Variants in SPG11 observed in about 807,000 individuals in gnomAD.
SPG11 encodes the protein SPG11 vesicle trafficking associated, spatacsin, also known as spatacsin.
Under a neutral mutation model 274.0 loss-of-function variants are expected in SPG11, and 222 were observed. That is an observed-to-expected ratio of 0.81 (90% CI 0.73 to 0.91). The LOEUF (loss-of-function observed/expected upper bound fraction) is 0.91, where lower values mean the gene tolerates loss of function less well. Ranked by LOEUF, SPG11 falls within the 40% of genes least tolerant of loss-of-function variation. The pLI is 0.00. For synonymous variants in SPG11, 1,144 were observed against 1,039.7 expected (o/e 1.10, Z -1.93); for missense variants, 3,114 against 2,872.7 (o/e 1.08, Z -1.92).
chr15:44,614,108 G>C (rs1337161254), intron 16 of SPG11, among the ~76,000 whole-genome samples: 1 of 152,208 alleles, frequency 6.6e-6, no homozygotes, highest in Admixed American at 6.5e-5. Context: ...TTATGGCTCA[G>C]AATACATACT....
At position 44,584,127 on chromosome 15, in the gene SPG11, T is replaced by G; in HGVS notation, c.5553A>C (p.Thr1851=). The change falls in exon 30 of 40, where the codon ACA becomes ACC. Residue 1851 remains threonine, a synonymous_variant. Coordinates refer to ENST00000261866, the MANE Select transcript of SPG11 (RefSeq NM_025137.4). ...GGCTGTTAAGTTCTAAGTATTTTGATGTGTTCAGAGCAGCCAACTTGGAGA... is the reference window on the plus strand; with the variant it reads ...GGCTGTTAAGTTCTAAGTATTTTGAGGTGTTCAGAGCAGCCAACTTGGAGA... ...FSFSKLAALN[T]SKYLELNSLP... 1 of 1,614,238 alleles carries G rather than the reference T, an allele frequency of 6.2e-7. No individual in the cohort carries two copies. The highest frequency in any genetic ancestry group is 8.5e-7 in the Non-Finnish European group (1 of 1,180,032).
intron 6 of SPG11, among the ~76,000 whole-genome samples, chr15:44,649,648 TCAGGAGGCCGAGGTGGGCAGAC>T (rs1420091885): frequency 1.6e-4 from 24 of 152,010 alleles, no homozygotes; most frequent in African/African-American, 5.8e-4. Flanking sequence ...TCCCAGCACT[TCAGGAGGCCGAGGTGGGCAGAC>T]CACCTGAGGT....
At chr15:44,605,374 T>G (rs982518889) in intron 20 of SPG11, among the ~76,000 whole-genome samples, 1 of 152,162 alleles carries the variant, frequency 6.6e-6, no homozygotes, top group Non-Finnish European at 1.5e-5. Flanking sequence ...TTTATGTATG[T>G]CAATAGATAT....
intron 15 of SPG11, among the ~76,000 whole-genome samples, chr15:44,617,939 G>A (rs1163373994): frequency 2.0e-5 from 3 of 152,020 alleles, no homozygotes; most frequent in African/African-American, 4.8e-5. Flanking sequence ...GCCTCCCAAA[G>A]TGCTGGGATT....
chr15:44,633,316 C>T (rs1595903924), intron 8 of SPG11, among the ~76,000 whole-genome samples, 189 bp downstream of exon 8: 1 of 70,322 alleles, frequency 1.4e-5, no homozygotes. Flanking sequence ...CAGAGTGAGA[C>T]TCTGTCTCAA....
In SPG11 at chr15:44,639,252, AACAC is replaced by A. The variant is rs563798792; in HGVS notation, c.1603-5619_1603-5616del. Among the ~76,000 whole-genome samples, 73 of 148,718 alleles carry A rather than the reference AACAC, an allele frequency of 4.9e-4. 2 individuals carry two copies. In the South Asian group the frequency reaches 0.014, roughly 29 times the overall value. On this transcript the variant is annotated intron_variant, in intron 7 of 39. Coordinates refer to ENST00000261866, the MANE Select transcript of SPG11 (RefSeq NM_025137.4). ...CTTAACCTTACAAAGGGTATCTTAA[AACAC>A]ACACACACACACAAAGAGATACACA... is the stretch of plus-strand genomic sequence containing the variant.
rs2083769347 is a variant in SPG11 at position 44,622,101 on chromosome 15, T to C, written c.2444+119A>G. 4.7e-6 allele frequency: 6 copies of C among 1,283,022 alleles called. No individual in the cohort carries two copies. In the South Asian group the frequency reaches 7.7e-5, roughly 17 times the overall value. 79.5% of individuals were successfully genotyped at this position (1,283,022 alleles called of 1,614,324 possible). On this transcript the variant is annotated intron_variant, in intron 13 of 39. Coordinates refer to ENST00000261866, the MANE Select transcript of SPG11 (RefSeq NM_025137.4). ...AGTCCCTTCTGTCTGATACAAGTTTTATCTCCAAGGAGAATGCAGGCTCAG... is the reference window on the plus strand; with the variant it reads ...AGTCCCTTCTGTCTGATACAAGTTTCATCTCCAAGGAGAATGCAGGCTCAG...
chr15:44,635,152 G>A (rs1280376319), intron 7 of SPG11, among the ~76,000 whole-genome samples: 2 of 152,068 alleles, frequency 1.3e-5, no homozygotes, highest in Non-Finnish European at 2.9e-5. Flanking sequence ...GGAGGTGGAG[G>A]TTGTGGTGAG....
intron 4 of SPG11, among the ~76,000 whole-genome samples, chr15:44,654,648 T>C (rs2084884645): frequency 1.3e-5 from 2 of 152,142 alleles, no homozygotes; most frequent in Admixed American, 1.3e-4. Flanking sequence ...AAAACCAGCC[T>C]GGCCAACACG....
At position 44,566,246 on chromosome 15, in the gene SPG11, T is replaced by TC. The variant is rs773703585; in HGVS notation, c.6813dup (p.Met2272AspfsTer68). Reference sequence around the variant, plus strand: ...GCATAACTCTCTGCTGCATCCAACATCAGAGTCAGGGCCTTCAGCAGCAGT... The same window carrying TC: ...GCATAACTCTCTGCTGCATCCAACATCCAGAGTCAGGGCCTTCAGCAGCAGT... On this transcript the variant is annotated frameshift_variant, in exon 37 of 40. Coordinates refer to ENST00000261866, the MANE Select transcript of SPG11 (RefSeq NM_025137.4). LOFTEE classifies it high-confidence loss of function. 6.2e-7 allele frequency: 1 copy of TC among 1,614,182 alleles called. No homozygotes were observed.
chr15:44,644,374 C>T (rs968651523), intron 7 of SPG11, among the ~76,000 whole-genome samples: 1 of 152,042 alleles, frequency 6.6e-6, no homozygotes, highest in Non-Finnish European at 1.5e-5. Flanking sequence ...CCTTCAACAT[C>T]CCTTCATGTT....
intron 34 of SPG11, among the ~76,000 whole-genome samples, chr15:44,570,156 C>T (rs1032327925): frequency 1.3e-5 from 2 of 152,162 alleles, no homozygotes; most frequent in Admixed American, 1.3e-4. Flanking sequence ...TAGGGAGGCA[C>T]ATGGGAACTG....
intron 11 of SPG11, among the ~76,000 whole-genome samples, chr15:44,624,717 A>T (rs933468038): frequency 5.3e-5 from 8 of 152,102 alleles, no homozygotes; most frequent in Non-Finnish European, 1.5e-5. Flanking sequence ...TGATATATTA[A>T]TTAGCTTACT....
chr15:44,573,313 A>G (rs1177918522), intron 32 of SPG11: 2 of 625,624 alleles, frequency 3.2e-6, no homozygotes, highest in African/African-American at 3.7e-5. Flanking sequence ...AGAAAGCCAC[A>G]GCTACTCCCA....
At chr15:44,661,541 GTAT>G (rs1263559336) in intron 1 of SPG11, among the ~76,000 whole-genome samples, 1 of 151,450 alleles carries the variant, frequency 6.6e-6, no homozygotes, top group Non-Finnish European at 1.5e-5. Flanking sequence ...GTACATAATA[GTAT>G]TATGTACTAT....
intron 33 of SPG11, among the ~76,000 whole-genome samples, chr15:44,571,542 G>C (rs1344507041): frequency 7.0e-6 from 1 of 142,396 alleles, no homozygotes; most frequent in Non-Finnish European, 1.5e-5. Context: ...CTGTTGCCCA[G>C]GCTGGAGTGC....
At position 44,572,709 on chromosome 15, in the gene SPG11, G is replaced by A; in HGVS notation, c.6317C>T (p.Ser2106Phe). 1 of 1,614,148 alleles carries A rather than the reference G, an allele frequency of 6.2e-7. No individual in the cohort carries two copies. The highest frequency in any genetic ancestry group is 1.1e-5 in the South Asian group (1 of 91,084). Residue 2106 changes from serine to phenylalanine, a missense_variant, in exon 33 of 40, where the codon TCC becomes TTC. By Grantham distance (155) the Ser-to-Phe change is radical. Coordinates refer to ENST00000261866, the MANE Select transcript of SPG11 (RefSeq NM_025137.4). ...VGMKLLDKIS[S>F]VPHGELSCTT... ...GCAAGACAGTTCCCCATGGGGAACG[G>A]AGGAAATCTTATCCAACAACTTCAT...
chr15:44,625,170 AT>A (rs1567171849), intron 11 of SPG11, among the ~76,000 whole-genome samples: 1 of 151,020 alleles, frequency 6.6e-6, no homozygotes, highest in Non-Finnish European at 1.5e-5. Context: ...GTACCAAAAC[AT>A]TTCTCAGTGT....
chr15:44,657,302 A>C lies in SPG11; in HGVS notation c.668-6T>G. The C allele has an allele frequency of 6.2e-7, 1 of 1,614,036 alleles. No homozygotes were observed. The highest frequency in any genetic ancestry group is 1.1e-5 in the South Asian group (1 of 91,074). On this transcript the variant is annotated splice_polypyrimidine_tract_variant and splice_region_variant and intron_variant, in intron 3 of 39. Coordinates refer to ENST00000261866, the MANE Select transcript of SPG11 (RefSeq NM_025137.4). Reference sequence around the variant, plus strand: ...ATCCACAACATCAAAAATGTCTTTTAGTTAGAGTTAAAAGAAAATGCCAGT... The same window carrying C: ...ATCCACAACATCAAAAATGTCTTTTCGTTAGAGTTAAAAGAAAATGCCAGT...
Sources: gnomAD v4.1 joint callset for allele counts (sites outside exome capture counted in the v4.1 genomes callset) on GRCh38, gnomAD v4.1.1 for gene constraint, MANE v1.5 for transcripts, NCBI Gene and HGNC (gene_info 2026-07-23, HGNC 2026-07-21) for gene names.